Variants in TCERG1L observed in about 807,000 individuals in gnomAD.
TCERG1L encodes the protein transcription elongation regulator 1 like, also known as transcription elongation regulator 1-like protein.
In TCERG1L, 37 loss-of-function variants were observed where a neutral mutation model predicts 56.3. The observed-to-expected ratio is 0.66, with a 90% CI of 0.51 to 0.87. The LOEUF is 0.87. Among genes scored for constraint, TCERG1L ranks in the 40% least tolerant of loss-of-function variants. The pLI is 0.00. For missense variants in TCERG1L, 799 were observed against 774.2 expected, an observed-to-expected ratio of 1.03 and a Z score of -0.38; for synonymous variants, 324 against 326.3, an observed-to-expected ratio of 0.99 and a Z score of 0.08.
Position 131,302,291 on chromosome 10 carries a change from C to T in TCERG1L, c.670+5920G>A, listed in dbSNP as rs116445884. The stretch of plus-strand genomic sequence containing the variant: ...TCCAGGATACGGTGAGCAGGATATA[C>T]GGCTGGCTTTGCCCCATTTACTACT... On this transcript the variant is annotated intron_variant, in intron 3 of 11. Coordinates refer to ENST00000368642, the MANE Select transcript of TCERG1L (RefSeq NM_174937.4). 7.0e-3 allele frequency among the ~76,000 whole-genome samples: 1,065 copies of T among 151,534 alleles called. 28 individuals carry two copies. Among genetic ancestry groups the T allele is most frequent in the African/African-American group, 0.024 (989 of 41,236 alleles).
At chr10:131,285,819 GA>G (rs1252734436) in intron 3 of TCERG1L, among the ~76,000 whole-genome samples, 55 of 152,132 alleles carry the variant, frequency 3.6e-4, no homozygotes, top group Non-Finnish European at 1.3e-4. Flanking sequence ...GTAAAACATT[GA>G]AAAAAATTCA....
chr10:131,209,757 A>G (rs1317131426), intron 4 of TCERG1L, among the ~76,000 whole-genome samples: 1 of 152,230 alleles, frequency 6.6e-6, no homozygotes, highest in Non-Finnish European at 1.5e-5. Flanking sequence ...TTTTTAAAAT[A>G]AATGATAAAA....
rs111357908 is a variant in TCERG1L at position 131,201,184 on chromosome 10, C to G, written c.857-34299G>C. 9.4e-3 allele frequency among the ~76,000 whole-genome samples: 1,438 copies of G among 152,302 alleles called. 17 individuals carry two copies. The highest frequency in any genetic ancestry group is 0.016 in the Non-Finnish European group (1,074 of 68,030). ...ATTCCTGAGAGTCAGGCCCACCACC[C>G]GCATAGCTGGCTTTGCCTCCCTGGA... On this transcript the variant is annotated intron_variant, in intron 4 of 11. Coordinates refer to ENST00000368642, the MANE Select transcript of TCERG1L (RefSeq NM_174937.4).
chr10:131,234,026 T>A (rs568856785), intron 4 of TCERG1L, among the ~76,000 whole-genome samples: 2 of 152,182 alleles, frequency 1.3e-5, no homozygotes, highest in Non-Finnish European at 2.9e-5. Flanking sequence ...TTCTGCCACA[T>A]TGTGACACAG....
At chr10:131,271,509 A>G (rs1846339310) in intron 3 of TCERG1L, among the ~76,000 whole-genome samples, 1 of 151,952 alleles carries the variant, frequency 6.6e-6, no homozygotes, top group African/African-American at 2.4e-5. Flanking sequence ...GCATCTGACC[A>G]CTCTGCCCAA....
At chr10:131,127,693 ACT>A in intron 8 of TCERG1L, among the ~76,000 whole-genome samples, 1 of 152,028 alleles carries the variant, frequency 6.6e-6, no homozygotes, top group South Asian at 2.1e-4. Flanking sequence ...ACAATCACAG[ACT>A]CTAGGAGGGA....
chr10:131,104,427 CA>C (rs760554917), intron 9 of TCERG1L, 73 bp from the exon 10 acceptor site: 3 of 968,874 alleles, frequency 3.1e-6, no homozygotes, highest in Non-Finnish European at 4.8e-6. Context: ...AAATGATCCA[CA>C]GTTAAAAACA....
chr10:131,255,652 T>A (rs1231499150), intron 4 of TCERG1L, among the ~76,000 whole-genome samples: 1 of 152,220 alleles, frequency 6.6e-6, no homozygotes, highest in African/African-American at 2.4e-5. Flanking sequence ...AGAGGGTGAA[T>A]TGGAGCTAAC....
chr10:131,233,637 C>T (rs986387207), intron 4 of TCERG1L, among the ~76,000 whole-genome samples: 2 of 152,148 alleles, frequency 1.3e-5, no homozygotes, highest in African/African-American at 4.8e-5. Context: ...ATTTTTAATG[C>T]TACATTAAAG....
intron 4 of TCERG1L, among the ~76,000 whole-genome samples, chr10:131,256,929 A>AAGGG (rs1196776194): frequency 6.9e-6 from 1 of 144,072 alleles, no homozygotes; most frequent in African/African-American, 2.6e-5. Flanking sequence ...GAAGGGAAGG[A>AAGGG]AGGGAGGGAG....
intron 4 of TCERG1L, among the ~76,000 whole-genome samples, chr10:131,192,317 AATGAG>A (rs1845313952): frequency 6.9e-6 from 1 of 144,442 alleles, no homozygotes; most frequent in Non-Finnish European, 1.5e-5. Flanking sequence ...TTAAAACCAC[AATGAG>A]ATAACATCTT....
rs1589777048 is a variant in TCERG1L, at chr10:131,299,095, T to C, written c.670+9116A>G. On this transcript the variant is annotated intron_variant, in intron 3 of 11. Coordinates refer to ENST00000368642, the MANE Select transcript of TCERG1L (RefSeq NM_174937.4). ...TATTAGAAATTTTTATCCCTAGTAATACTTTTTGTTCTGAAATCTAATTTG... is the reference window on the plus strand; with the variant it reads ...TATTAGAAATTTTTATCCCTAGTAACACTTTTTGTTCTGAAATCTAATTTG... Among the ~76,000 whole-genome samples the C allele has an allele frequency of 3.9e-5, 6 of 152,352 alleles. No individual in the cohort carries two copies. The South Asian group carries it at 1.2e-3, about 32-fold the overall frequency.
chr10:131,170,627 T>C (rs768006909), intron 4 of TCERG1L, among the ~76,000 whole-genome samples: 6 of 152,092 alleles, frequency 3.9e-5, no homozygotes, highest in Non-Finnish European at 7.4e-5. Flanking sequence ...AAGCCTGTGC[T>C]AAAAACTCCC....
chr10:131,140,904 G>A (rs1235778596), intron 7 of TCERG1L, among the ~76,000 whole-genome samples: 5 of 152,202 alleles, frequency 3.3e-5, no homozygotes, highest in Non-Finnish European at 5.9e-5. Context: ...TGCAGGGGCC[G>A]GGTTTGATCC....
intron 3 of TCERG1L, among the ~76,000 whole-genome samples, chr10:131,302,620 T>C: frequency 6.9e-6 from 1 of 144,044 alleles, no homozygotes; most frequent in South Asian, 2.3e-4. Flanking sequence ...TTTTTTTTTT[T>C]TTCTCAATTT....
chr10:131,308,469 T>C (rs1052468995), intron 2 of TCERG1L, 78 bp from the exon 3 acceptor site: 12 of 1,272,818 alleles, frequency 9.4e-6, no homozygotes, highest in African/African-American at 1.5e-5. Flanking sequence ...AAAATATTTG[T>C]GTTGCCTTAC....
intron 8 of TCERG1L, among the ~76,000 whole-genome samples, chr10:131,124,047 G>A (rs1845540553): frequency 6.6e-6 from 1 of 152,132 alleles, no homozygotes; most frequent in African/African-American, 2.4e-5. Flanking sequence ...TGTAGAGTGG[G>A]GGACACTTTT....
chr10:131,096,870 A>G (rs1845253232), intron 11 of TCERG1L, among the ~76,000 whole-genome samples: 1 of 144,866 alleles, frequency 6.9e-6, no homozygotes, highest in African/African-American at 2.6e-5. Flanking sequence ...TGGGCAACAG[A>G]GCGACTCCAT....
chr10:131,227,962 C>T (rs771072632), intron 4 of TCERG1L, among the ~76,000 whole-genome samples: 2 of 151,992 alleles, frequency 1.3e-5, no homozygotes, highest in Non-Finnish European at 2.9e-5. Context: ...TCCGTCTTTG[C>T]CCTCCTCACC....
Sources: gnomAD v4.1 joint callset for allele counts (sites outside exome capture counted in the v4.1 genomes callset) on GRCh38, gnomAD v4.1.1 for gene constraint, MANE v1.5 for transcripts, NCBI Gene and HGNC (gene_info 2026-07-23, HGNC 2026-07-21) for gene names.